Variants in BCCIP observed in about 807,000 individuals in gnomAD.
BCCIP encodes BRCA2 and CDKN1A-interacting protein.
Under a neutral mutation model 32.8 loss-of-function variants are expected in BCCIP, and 23 were observed. The observed-to-expected ratio is 0.70, with a 90% CI of 0.51 to 0.99. BCCIP has a LOEUF of 0.99. Ranked by LOEUF, BCCIP falls within the 50% of genes least tolerant of loss-of-function variation. BCCIP has a pLI of 0.00. For synonymous variants in BCCIP, 144 were observed against 137.6 expected (o/e 1.05, Z -0.33); for missense variants, 378 against 379.8 (o/e 1.00, Z 0.04).
chr10:125,847,295 T>A (rs1944034457), downstream of BCCIP, among the ~76,000 whole-genome samples: 1 of 152,196 alleles, frequency 6.6e-6, no homozygotes, highest in African/African-American at 2.4e-5. Flanking sequence ...TGTTTTGGAT[T>A]TCTTAAGATA....
At chr10:125,836,049 GGTTTT>G (rs1854672705) in intron 6 of BCCIP, 50 bp from the exon 7 acceptor site, 1 of 1,464,526 alleles carries the variant, frequency 6.8e-7, no homozygotes, top group Non-Finnish European at 9.5e-7. Flanking sequence ...AGATCAAATG[GGTTTT>G]GTCTTTGGGT....
intron 7 of BCCIP, among the ~76,000 whole-genome samples, chr10:125,850,134 T>TAA (rs371549545): frequency 1.1e-4 from 15 of 133,536 alleles, no homozygotes; most frequent in African/African-American, 3.9e-4. Flanking sequence ...CCTGGCTCAT[T>TAA]AAAAAAAAAA....
chr10:125,834,554 G>C (rs1854604016), intron 6 of BCCIP, among the ~76,000 whole-genome samples: 1 of 151,968 alleles, frequency 6.6e-6, no homozygotes, highest in Admixed American at 6.6e-5. Context: ...TGTAATCCCA[G>C]CACCTTGGGA....
chr10:125,824,938 A>G (rs1288194016), intron 1 of BCCIP, among the ~76,000 whole-genome samples: 2 of 152,246 alleles, frequency 1.3e-5, no homozygotes, highest in East Asian at 3.8e-4. Flanking sequence ...CATGGAGGGG[A>G]GCATGGAGAG....
intron 2 of BCCIP, 73 bp downstream of exon 2, chr10:125,826,738 G>T: frequency 6.4e-7 from 1 of 1,568,356 alleles, no homozygotes; most frequent in Non-Finnish European, 8.6e-7. Context: ...AGTGGTTCAT[G>T]CCTATAATCT....
exon 8 of BCCIP, chr10:125,853,478 C>A: frequency 4.0e-6 from 1 of 252,492 alleles, no homozygotes; most frequent in East Asian, 7.8e-5. Flanking sequence ...ATTTTATCGT[C>A]AATTATAAGC....
chr10:125,830,135 A>G (rs916508711), intron 3 of BCCIP, among the ~76,000 whole-genome samples: 3 of 152,254 alleles, frequency 2.0e-5, no homozygotes, highest in Non-Finnish European at 4.4e-5. Flanking sequence ...AGATGAAACA[A>G]TGCTGTGGGC....
At position 125,830,658 on chromosome 10, in the gene BCCIP, T is replaced by G. The variant is rs756606562; in HGVS notation, c.411+7T>G. 2 of 1,564,420 alleles carry G rather than the reference T, an allele frequency of 1.3e-6. No individual in the cohort carries two copies. Among genetic ancestry groups the G allele is most frequent in the Admixed American group, 3.4e-5 (2 of 58,358 alleles). ...AAATTTAACTGAAAGAAAGGTTGGT[T>G]TCACTGGATGGCATCTGAATGGTTA... On this transcript the variant is annotated splice_region_variant and intron_variant, in intron 4 of 6. Transcript: ENST00000278100.
chr10:125,826,989 C>T (rs968708584), intron 2 of BCCIP, among the ~76,000 whole-genome samples: 1 of 14,784 alleles, frequency 6.8e-5, no homozygotes, highest in African/African-American at 2.7e-4. Context: ...GAGTGAGCCT[C>T]TGTCTCTAAA....
intron 7 of BCCIP, among the ~76,000 whole-genome samples, chr10:125,849,185 CTGTTT>C (rs750760095): frequency 6.6e-6 from 1 of 152,174 alleles, no homozygotes; most frequent in Admixed American, 6.5e-5. Flanking sequence ...AGTTAAATTG[CTGTTT>C]TGTTTTGTTT....
chr10:125,848,140 T>C (rs1447079370), intron 7 of BCCIP, among the ~76,000 whole-genome samples: 1 of 152,162 alleles, frequency 6.6e-6, no homozygotes, highest in Non-Finnish European at 1.5e-5. Context: ...ACTTGGGCAT[T>C]GTGTAAAAGA....
chr10:125,851,444 CTTCCT>C (rs1285543128), intron 7 of BCCIP, among the ~76,000 whole-genome samples: 28 of 152,076 alleles, frequency 1.8e-4, no homozygotes, highest in African/African-American at 6.8e-4. Flanking sequence ...ATCACCAAGC[CTTCCT>C]TTTCTTCTCC....
At chr10:125,845,730 T>G (rs1944008555), downstream of BCCIP, among the ~76,000 whole-genome samples, 1 of 152,242 alleles carries the variant, frequency 6.6e-6, no homozygotes, top group Admixed American at 6.5e-5. Context: ...CCCTGCCCAC[T>G]GGCGGGAGCC....
chr10:125,843,448 A>G (rs1854935379), downstream of BCCIP, among the ~76,000 whole-genome samples: 1 of 151,886 alleles, frequency 6.6e-6, no homozygotes, highest in Non-Finnish European at 1.5e-5. Context: ...GTCTCAACTA[A>G]AAAAATACAA....
intron 7 of BCCIP, among the ~76,000 whole-genome samples, chr10:125,851,938 A>G (rs972632417): frequency 2.6e-5 from 4 of 151,162 alleles, no homozygotes; most frequent in Non-Finnish European, 5.9e-5. Context: ...AAAAAAAAAA[A>G]AAAGAAAAGA....
At chr10:125,835,309 G>A (rs1017199743) in intron 6 of BCCIP, among the ~76,000 whole-genome samples, 6 of 152,032 alleles carry the variant, frequency 3.9e-5, no homozygotes, top group Admixed American at 6.6e-5. Context: ...GGCCGGGTGC[G>A]GTGGCTCATG....
At position 125,833,845 on chromosome 10, in the gene BCCIP, A is replaced by G. The variant is rs765575582; in HGVS notation, c.673A>G (p.Thr225Ala). 2.5e-6 allele frequency: 4 copies of G among 1,614,262 alleles called. No individual in the cohort carries two copies. In the Admixed American group the frequency reaches 6.7e-5, roughly 27 times the overall value. Residue 225 changes from threonine (T) to alanine (A), a missense_variant, in exon 6 of 7, where the codon ACA (threonine) becomes GCA (alanine). Physicochemically the swap from Thr to Ala is moderately conservative, Grantham distance 58. Transcript: ENST00000278100. ...KCYFYLLISK[T>A]FVEAGKNNSK... is the part of the protein sequence containing the mutation. ...CTACTTTTACCTTCTGATTAGTAAG[A>G]CATTTGTGGAAGCAGGAAAAAACAA...
chr10:125,834,227 T>C (rs1034266303), intron 6 of BCCIP, among the ~76,000 whole-genome samples: 1 of 152,202 alleles, frequency 6.6e-6, no homozygotes, highest in African/African-American at 2.4e-5. Context: ...ATTTATAATA[T>C]GCTTCCTGTG....
In BCCIP at chr10:125,830,628, C is replaced by G. The variant is rs757615170; in HGVS notation, c.388C>G (p.Leu130Val). The change falls in exon 4 of 7, where the codon CTT becomes GTT. Residue 130 changes from leucine (L) to valine (V), a missense_variant. By Grantham distance (32) the Leu-to-Val change is conservative (BLOSUM62 1). Transcript: ENST00000278100. ...DEDEVFGFISLLNLTERKGTQ... is the reference protein window; with the variant it reads ...DEDEVFGFISVLNLTERKGTQ... Reference sequence around the variant, plus strand: ...AGATGAGGTTTTTGGTTTCATAAGCCTTTTAAATTTAACTGAAAGAAAGGT... The same window carrying G: ...AGATGAGGTTTTTGGTTTCATAAGCGTTTTAAATTTAACTGAAAGAAAGGT... The G allele has an allele frequency of 6.2e-7, 1 of 1,605,964 alleles. No homozygotes were observed. Among genetic ancestry groups the G allele is most frequent in the South Asian group, 1.1e-5 (1 of 89,366 alleles).
Sources: allele counts gnomAD v4.1 joint callset (sites outside exome capture counted in the v4.1 genomes callset), GRCh38; gene constraint gnomAD v4.1.1; transcripts MANE v1.5; gene names NCBI Gene and HGNC (gene_info 2026-07-23, HGNC 2026-07-21).